The following FRY variants were observed in gnomAD, a reference collection of about 807,000 sequenced individuals.
The protein encoded by FRY is FRY microtubule binding protein.
In FRY, 128 loss-of-function variants were observed where a neutral mutation model predicts 348.4. The observed-to-expected ratio is 0.37, with a 90% CI of 0.32 to 0.43. FRY has a LOEUF of 0.43. Among genes scored for constraint, FRY ranks in the 20% least tolerant of loss-of-function variants. The pLI is 1.00. For synonymous variants in FRY, 1,370 were observed against 1,374.7 expected (o/e 1.00, Z 0.08); for missense variants, 2,736 against 3,695.2 (o/e 0.74, Z 6.73).
chr13:32,085,448 A>G (rs771586900), intron 2 of FRY, among the ~76,000 whole-genome samples: 2 of 152,196 alleles, frequency 1.3e-5, no homozygotes, highest in African/African-American at 2.4e-5. Context: ...TAAAGACAAA[A>G]CAGCTTTTCA....
At chr13:32,072,484 ATTCT>A (rs1566055589) in intron 1 of FRY, among the ~76,000 whole-genome samples, 1 of 152,128 alleles carries the variant, frequency 6.6e-6, no homozygotes, top group Admixed American at 6.5e-5. Context: ...GAAGAAAATA[ATTCT>A]TTCTGTCTTG....
intron 46 of FRY, among the ~76,000 whole-genome samples, chr13:32,241,205 T>A (rs1886480302): frequency 6.6e-6 from 1 of 152,226 alleles, no homozygotes; most frequent in Non-Finnish European, 1.5e-5. Flanking sequence ...AGACCTTGCC[T>A]CCTTTAAAAT....
intron 49 of FRY, 148 bp from the exon 50 acceptor site, chr13:32,251,730 G>A (rs1887092331): frequency 6.0e-6 from 4 of 661,412 alleles, no homozygotes; most frequent in Admixed American, 2.3e-5. Flanking sequence ...ATTGCTATTT[G>A]TGTTCTTTTT....
chr13:32,271,860 G>A (rs1230962472), intron 55 of FRY, among the ~76,000 whole-genome samples: 1 of 152,180 alleles, frequency 6.6e-6, no homozygotes, highest in Non-Finnish European at 1.5e-5. Context: ...TGTGGAAAGA[G>A]GGAGAAGAAA....
chr13:32,069,076 C>T lies in FRY; in HGVS notation c.71-9758C>T, dbSNP rs565886681. 3.6e-4 allele frequency among the ~76,000 whole-genome samples: 54 copies of T among 152,082 alleles called. 1 individual carries two copies. Among genetic ancestry groups the T allele is most frequent in the Non-Finnish European group, 3.5e-4 (24 of 67,980 alleles). On this transcript the variant is annotated intron_variant, in intron 1 of 60. Coordinates refer to ENST00000542859, the MANE Select transcript of FRY (RefSeq NM_023037.3). ...GGACTAGAAGCACCCGCCACCACAC[C>T]GGGCTAATTTTTGTATTTTTAGTAG...
rs1261478707 is a variant in FRY at position 32,261,746 on chromosome 13, A to G, written c.7547A>G (p.His2516Arg). Reference protein sequence around the residue: ...GSTPSLNKMHHEDSDESSEEE... With the variant: ...GSTPSLNKMHREDSDESSEEE... The stretch of plus-strand genomic sequence containing the variant: ...ACTCCTAGCCTGAATAAAATGCACC[A>G]TGAGGACTCCGATGAATCATCCGAG... Residue 2516 changes from histidine (H) to arginine (R), a missense_variant, in exon 52 of 61, where the codon CAT becomes CGT. His to Arg is a conservative substitution (Grantham distance 29). Coordinates refer to ENST00000542859, the MANE Select transcript of FRY (RefSeq NM_023037.3). 6.2e-7 allele frequency: 1 copy of G among 1,614,102 alleles called. No individual in the cohort carries two copies. Among genetic ancestry groups the G allele is most frequent in the Non-Finnish European group, 8.5e-7 (1 of 1,180,046 alleles).
intron 1 of FRY, among the ~76,000 whole-genome samples, chr13:32,058,379 AT>A (rs1297881317): frequency 1.3e-5 from 2 of 152,240 alleles, no homozygotes; most frequent in Non-Finnish European, 2.9e-5. Flanking sequence ...ATGAATTCAG[AT>A]CATCAGTAAA....
At chr13:32,183,566 A>C (rs1483435499) in intron 24 of FRY, among the ~76,000 whole-genome samples, 1 of 152,056 alleles carries the variant, frequency 6.6e-6, no homozygotes, top group Admixed American at 6.5e-5. Context: ...TCAAGAAGTC[A>C]AGAGATCGAG....
At chr13:32,137,213 T>C (rs1404675706) in intron 11 of FRY, among the ~76,000 whole-genome samples, 1 of 152,242 alleles carries the variant, frequency 6.6e-6, no homozygotes, top group Non-Finnish European at 1.5e-5. Flanking sequence ...CAAGGATCAC[T>C]TTAAAAGTAG....
chr13:32,043,200 C>T (rs1158368377), intron 1 of FRY, among the ~76,000 whole-genome samples: 3 of 152,132 alleles, frequency 2.0e-5, no homozygotes, highest in South Asian at 2.1e-4. Flanking sequence ...TTCACTACCA[C>T]GAGAACAGTA....
chr13:32,293,413 C>G (rs901533490), intron 59 of FRY, among the ~76,000 whole-genome samples: 1 of 152,084 alleles, frequency 6.6e-6, no homozygotes, highest in African/African-American at 2.4e-5. Flanking sequence ...AAAAAATAAT[C>G]CTTCAAGGCT....
intron 29 of FRY, among the ~76,000 whole-genome samples, chr13:32,194,595 A>G (rs1883563276): frequency 1.3e-5 from 2 of 152,200 alleles, no homozygotes; most frequent in Admixed American, 6.5e-5. Context: ...ACATTATAGG[A>G]ATTAAAGGAA....
intron 26 of FRY, among the ~76,000 whole-genome samples, chr13:32,185,819 C>T (rs1882993854): frequency 6.6e-6 from 1 of 152,156 alleles, no homozygotes; most frequent in Non-Finnish European, 1.5e-5. Context: ...TCATCTTCAG[C>T]GACCCTAAAT....
At chr13:32,056,995 G>T (rs1181291503) in intron 1 of FRY, among the ~76,000 whole-genome samples, 1 of 152,044 alleles carries the variant, frequency 6.6e-6, no homozygotes. Flanking sequence ...AATGAAATAG[G>T]CAGGGTTACA....
chr13:32,052,255 C>A (rs1272056741), intron 1 of FRY, among the ~76,000 whole-genome samples: 1 of 152,174 alleles, frequency 6.6e-6, no homozygotes, highest in South Asian at 2.1e-4. Context: ...AAACAATAAA[C>A]CAGTATTTCT....
chr13:32,173,230 C>T, intron 18 of FRY, 137 bp from the exon 19 acceptor site: 11 of 644,034 alleles, frequency 1.7e-5, no homozygotes, highest in Non-Finnish European at 3.1e-5. Context: ...AATTCATAGA[C>T]ATGTCTGGTT....
At position 32,234,814 on chromosome 13, in the gene FRY, T is replaced by C. The variant is rs1028738793; in HGVS notation, c.5715+53T>C. The C allele has an allele frequency of 1.8e-5, 25 of 1,380,132 alleles. No individual in the cohort carries two copies. The South Asian group carries it at 2.8e-4, about 15-fold the overall frequency. The allele number at this position is 1,380,132 out of a possible 1,614,324, so 85.5% of individuals were successfully genotyped here. On this transcript the variant is annotated intron_variant, in intron 42 of 60. Transcript: ENST00000542859. The stretch of plus-strand genomic sequence containing the variant: ...TGAAGGATGAGCTCTCTCATCTCAA[T>C]GAGGTGTAAACTATTTTTGAGCCTT...
intron 10 of FRY, among the ~76,000 whole-genome samples, chr13:32,136,550 A>G (rs529939867): frequency 2.3e-4 from 35 of 152,210 alleles, no homozygotes; most frequent in Non-Finnish European, 4.6e-4. Flanking sequence ...GTGATCTAAG[A>G]TGGTAAGTTT....
chr13:32,173,533 C>G lies in FRY; in HGVS notation c.2318C>G (p.Ala773Gly), dbSNP rs1382045398. ...AAGGAAATTCGAGCGTTGTTTATTG[C>G]CCTGGGGCAGCCTGAGGTATGGATT... ...ILKEIRALFI[A>G]LGQPEDDDRP... The change falls in exon 19 of 61, where the codon GCC becomes GGC. Residue 773 changes from alanine (A) to glycine (G), a missense_variant. By Grantham distance (60) the Ala-to-Gly change is moderately conservative. Transcript: ENST00000542859. 6.2e-7 allele frequency: 1 copy of G among 1,613,046 alleles called. No homozygotes were observed. Among genetic ancestry groups the G allele is most frequent in the Non-Finnish European group, 8.5e-7 (1 of 1,179,362 alleles).
Sources: allele counts gnomAD v4.1 joint callset (sites outside exome capture counted in the v4.1 genomes callset), GRCh38; gene constraint gnomAD v4.1.1; transcripts MANE v1.5; gene names NCBI Gene and HGNC (gene_info 2026-07-23, HGNC 2026-07-21).